COL9A1: variants seen among roughly 807,000 people sequenced by gnomAD.
COL9A1 encodes collagen alpha-1(IX) chain.
COL9A1 carries 104 observed loss-of-function variants against 142.6 expected under a neutral mutation model. The ratio of observed to expected loss-of-function variants is 0.73; its 90% CI spans 0.62 to 0.86. COL9A1 has a LOEUF of 0.86. Among genes scored for constraint, COL9A1 ranks in the 40% least tolerant of loss-of-function variants. The pLI, the probability that COL9A1 is intolerant of heterozygous loss-of-function variation, is 0.00. For synonymous variants in COL9A1, 466 were observed against 396.0 expected, an observed-to-expected ratio of 1.18 and a Z score of -2.10; for missense variants, 1,210 against 1,176.6, an observed-to-expected ratio of 1.03 and a Z score of -0.42.
chr6:70,283,728 G>C lies in COL9A1; in HGVS notation c.780+9C>G, dbSNP rs763935873. On this transcript the variant is annotated intron_variant, in intron 6 of 37. Transcript: ENST00000357250. ...AGAAGTGGCCTTTGCAGGTAGTCAG[G>C]GGACTCACCGTTATTCTGGCTGGCA... The C allele has an allele frequency of 9.3e-6, 15 of 1,607,578 alleles. No homozygotes were observed. The highest frequency in any genetic ancestry group is 1.3e-5 in the Non-Finnish European group (15 of 1,176,326).
intron 1 of COL9A1, among the ~76,000 whole-genome samples, chr6:70,302,401 G>A (rs1305893577): frequency 1.3e-5 from 2 of 151,682 alleles, no homozygotes; most frequent in African/African-American, 4.8e-5. Flanking sequence ...GTGGAGACAG[G>A]GTTTCACCAT....
rs112199512 is a variant in COL9A1 at position 70,289,827 on chromosome 6, A to G, written c.696+4340T>C. On this transcript the variant is annotated intron_variant, in intron 5 of 37. Transcript: ENST00000357250. The stretch of plus-strand genomic sequence containing the variant: ...GTAATTCTCAAATATCAGAAATAAT[A>G]TTAATCACAGCCTCATAATTTATTT... Among the ~76,000 whole-genome samples, 634 of 152,316 alleles carry G rather than the reference A, an allele frequency of 4.2e-3. 4 individuals carry two copies. The highest frequency in any genetic ancestry group is 0.014 in the African/African-American group (598 of 41,586).
intron 37 of COL9A1, among the ~76,000 whole-genome samples, chr6:70,224,193 T>C (rs531921983): frequency 6.6e-6 from 1 of 152,328 alleles, no homozygotes; most frequent in South Asian, 2.1e-4. Context: ...ATGATGATCT[T>C]GTCCTGCCTC....
At chr6:70,252,736 G>A (rs678883) in intron 26 of COL9A1, among the ~76,000 whole-genome samples, 5,198 of 152,164 alleles carry the variant, frequency 0.034, 316 homozygotes, top group African/African-American at 0.12. Flanking sequence ...AGGATATGCT[G>A]CTGAGAAAGC....
chr6:70,279,632 G>A (rs1218439502), intron 10 of COL9A1: 2 of 103,182 alleles, frequency 1.9e-5, no homozygotes, highest in East Asian at 2.8e-4. Flanking sequence ...TGGGCAACAA[G>A]AGCGAAACTT....
At position 70,239,160 on chromosome 6, in the gene COL9A1, T is replaced by C. The variant is rs886900795; in HGVS notation, c.2112+94A>G. 2.0e-5 allele frequency: 18 copies of C among 884,990 alleles called. No homozygotes were observed. In the African/African-American group the frequency reaches 2.9e-4, roughly 14 times the overall value. 54.8% of individuals were successfully genotyped at this position (884,990 alleles called of 1,614,324 possible). ...TCTCAAAAAAAAAAAGAATTGAATGTTACATAATGATTTCATAAAGCAGAA... is the reference window on the plus strand; with the variant it reads ...TCTCAAAAAAAAAAAGAATTGAATGCTACATAATGATTTCATAAAGCAGAA... On this transcript the variant is annotated intron_variant, in intron 33 of 37. Transcript: ENST00000357250.
chr6:70,258,272 G>A (rs1771455457), intron 20 of COL9A1, among the ~76,000 whole-genome samples: 1 of 152,188 alleles, frequency 6.6e-6, no homozygotes, highest in Non-Finnish European at 1.5e-5. Flanking sequence ...GAACCAAGTT[G>A]AGATGAGAAG....
At chr6:70,271,620 A>C in intron 14 of COL9A1, 35 bp downstream of exon 14, 1 of 1,602,404 alleles carries the variant, frequency 6.2e-7, no homozygotes, top group East Asian at 2.2e-5. Flanking sequence ...CTATTAAATC[A>C]GCAAACGTCT....
In COL9A1 at chr6:70,272,089, C is replaced by T; in HGVS notation, c.1066-1G>A. On this transcript the variant is annotated splice_acceptor_variant, in intron 12 of 37. Coordinates refer to ENST00000357250, the MANE Select transcript of COL9A1 (RefSeq NM_001851.6). LOFTEE classifies it high-confidence loss of function. ...CAGGGGGTCCAGGAATACCACGGCC[C>T]TAAAAGAGTACAATAAAAATGGTTA... is the stretch of plus-strand genomic sequence containing the variant. 1.9e-6 allele frequency: 3 copies of T among 1,611,006 alleles called. No individual in the cohort carries two copies. Among genetic ancestry groups the T allele is most frequent in the Non-Finnish European group, 2.5e-6 (3 of 1,177,846 alleles).
intron 4 of COL9A1, among the ~76,000 whole-genome samples, chr6:70,298,852 G>A (rs1208707957): frequency 6.6e-6 from 1 of 152,170 alleles, no homozygotes; most frequent in African/African-American, 2.4e-5. Flanking sequence ...TGTTATCATG[G>A]TTTTAATCTT....
intron 37 of COL9A1, among the ~76,000 whole-genome samples, chr6:70,224,888 A>G (rs1484274129): frequency 6.6e-6 from 1 of 151,826 alleles, no homozygotes; most frequent in East Asian, 1.9e-4. Context: ...ATCTCCAAAC[A>G]TTCATGTTTT....
chr6:70,272,389 A>G (rs908117311), intron 12 of COL9A1, among the ~76,000 whole-genome samples: 1 of 152,116 alleles, frequency 6.6e-6, no homozygotes, highest in Non-Finnish European at 1.5e-5. Flanking sequence ...AGAACTTACC[A>G]TAACTCACAA....
At chr6:70,236,182 AGTT>A in intron 33 of COL9A1, among the ~76,000 whole-genome samples, 1 of 151,566 alleles carries the variant, frequency 6.6e-6, no homozygotes, top group African/African-American at 2.4e-5. Flanking sequence ...GTATGAAGGA[AGTT>A]AAAAAATCTA....
In COL9A1 at chr6:70,266,746, T is replaced by C. The variant is rs138518556; in HGVS notation, c.1312A>G (p.Ile438Val). ...MRGHKGAKGE[I>V]GEPGRQGHKG... ...TGTCCTTGTCTTCCTGGTTCACCAA[T>C]TTCTCCTTTAGCCCCTTTATGACCC... The change falls in exon 18 of 38, where the codon ATT becomes GTT. Residue 438 changes from isoleucine to valine, a missense_variant. Transcript: ENST00000357250. The C allele has an allele frequency of 6.2e-7, 1 of 1,613,530 alleles. No homozygotes were observed. The highest frequency in any genetic ancestry group is 1.3e-5 in the African/African-American group (1 of 75,028).
chr6:70,255,382 T>G lies in COL9A1; in HGVS notation c.1512A>C (p.Gln504His). ...PQGLPGAPGD[Q>H]GQRGPPGEAG... is the part of the protein sequence containing the mutation. ...CTTCTCCTGGAGGTCCTCGCTGTCC[T>G]TGATCACCCTGTATGAAAATAAAAT... The change falls in exon 22 of 38, where the codon CAA becomes CAC. Residue 504 changes from glutamine to histidine, a missense_variant. Gln to His is a conservative substitution (Grantham distance 24). Coordinates refer to ENST00000357250, the MANE Select transcript of COL9A1 (RefSeq NM_001851.6). The G allele has an allele frequency of 1.9e-6, 3 of 1,614,122 alleles. No individual in the cohort carries two copies. Among genetic ancestry groups the G allele is most frequent in the Non-Finnish European group, 2.5e-6 (3 of 1,179,944 alleles).
chr6:70,241,037 G>A (rs555317044), intron 31 of COL9A1, among the ~76,000 whole-genome samples: 6 of 152,172 alleles, frequency 3.9e-5, no homozygotes, highest in African/African-American at 7.2e-5. Flanking sequence ...GGAACCCAGG[G>A]AAAGGACTGA....
intron 5 of COL9A1, among the ~76,000 whole-genome samples, chr6:70,291,287 A>G (rs1038258966): frequency 7.2e-5 from 11 of 152,162 alleles, no homozygotes; most frequent in Admixed American, 6.5e-5. Flanking sequence ...GGGAATTTCC[A>G]AATGAGAGTC....
At chr6:70,252,201 A>G in intron 27 of COL9A1, 28 bp from the exon 28 acceptor site, 1 of 1,614,204 alleles carries the variant, frequency 6.2e-7, no homozygotes, top group Non-Finnish European at 8.5e-7. Flanking sequence ...GGTAGAAAAA[A>G]AGTTAACACC....
Position 70,252,192 on chromosome 6 carries a change from G to A in COL9A1, c.1819-19C>T. ...GTTGGCCCTGTTATCAGGAAGGAAG[G>A]TAGAAAAAAAGTTAACACCTACTGA... On this transcript the variant is annotated intron_variant, in intron 27 of 37. Transcript: ENST00000357250. The A allele has an allele frequency of 1.2e-6, 2 of 1,614,144 alleles. No homozygotes were observed. The highest frequency in any genetic ancestry group is 2.2e-5 in the South Asian group (2 of 91,086).
Sources: allele counts gnomAD v4.1 joint callset (sites outside exome capture counted in the v4.1 genomes callset), GRCh38; gene constraint gnomAD v4.1.1; transcripts MANE v1.5; gene names NCBI Gene and HGNC (gene_info 2026-07-23, HGNC 2026-07-21).